Variants in IFIH1 observed in about 807,000 individuals in gnomAD.
IFIH1 encodes the protein interferon induced with helicase C domain 1, also known as interferon-induced helicase C domain-containing protein 1.
IFIH1 carries 125 observed loss-of-function variants against 107.4 expected under a neutral mutation model. The ratio of observed to expected loss-of-function variants is 1.16; its 90% confidence interval spans 1.01 to 1.35. The LOEUF is 1.35. IFIH1 is among the 40% of genes most tolerant of loss of function. IFIH1 has a pLI of 0.00. For missense variants in IFIH1, 1,333 were observed against 1,213.7 expected, an observed-to-expected ratio of 1.10 and a Z score of -1.46; for synonymous variants, 458 against 413.2, an observed-to-expected ratio of 1.11 and a Z score of -1.31.
intron 1 of IFIH1, among the ~76,000 whole-genome samples, chr2:162,312,333 T>C (rs977905351): frequency 1.3e-5 from 2 of 152,182 alleles, no homozygotes; most frequent in Admixed American, 1.3e-4. Context: ...TTAAGCATGC[T>C]GTTCTAGGGA....
intron 2 of IFIH1, 116 bp from the exon 3 acceptor site, chr2:162,306,971 G>T: frequency 1.3e-6 from 1 of 791,110 alleles, no homozygotes; most frequent in Non-Finnish European, 2.0e-6. Flanking sequence ...GAGATTGCCT[G>T]AATATATTTA....
chr2:162,303,741 T>C (rs931943276), intron 3 of IFIH1, among the ~76,000 whole-genome samples: 1 of 152,174 alleles, frequency 6.6e-6, no homozygotes. Context: ...TTAAGTTTTA[T>C]ACTAAGAAGT....
At chr2:162,314,402 T>TCC (rs1683438546) in intron 1 of IFIH1, among the ~76,000 whole-genome samples, 1 of 67,632 alleles carries the variant, frequency 1.5e-5, no homozygotes, top group African/African-American at 1.1e-4. Flanking sequence ...CTCCCTCCTT[T>TCC]CTTTCTTTCT....
rs2105238788 is a variant in IFIH1 at position 162,318,300 on chromosome 2, T to C, written c.8A>G (p.Asn3Ser). 6.2e-7 allele frequency: 1 copy of C among 1,610,032 alleles called. No individual in the cohort carries two copies. Residue 3 changes from asparagine (N) to serine (S), a missense_variant, in exon 1 of 16, where the codon AAT becomes AGT. By Grantham distance (46) the Asn-to-Ser change is conservative. Transcript: ENST00000649979. ...GAAATTCTCGTCTGTGGAATACCCA[T>C]TCGACATCTTTCTTTCTCAGAGAAG... is the stretch of plus-strand genomic sequence containing the variant. MS[N>S]GYSTDENFRY...
intron 13 of IFIH1, among the ~76,000 whole-genome samples, chr2:162,271,323 T>C (rs951362318): frequency 3.3e-5 from 5 of 151,972 alleles, no homozygotes; most frequent in Non-Finnish European, 7.4e-5. Flanking sequence ...TGGATGAAAC[T>C]GAAAACCATC....
At chr2:162,272,181 C>G (rs182823664) in intron 13 of IFIH1, 45 bp downstream of exon 13, 24 of 1,500,106 alleles carry the variant, frequency 1.6e-5, no homozygotes, top group Non-Finnish European at 2.2e-5. Flanking sequence ...AACCACATGC[C>G]GCCATTTTTA....
At chr2:162,315,652 G>A (rs1683478323) in intron 1 of IFIH1, among the ~76,000 whole-genome samples, 2 of 152,052 alleles carry the variant, frequency 1.3e-5, no homozygotes, top group Non-Finnish European at 2.9e-5. Context: ...TCAGTAATTT[G>A]GCCCAAAGTA....
rs553704185 is a variant in IFIH1, at chr2:162,276,614, A to AAGAAGAGAAGAAG, written c.2304+60_2304+72dup. 2.0e-6 allele frequency: 3 copies of AAGAAGAGAAGAAG among 1,490,560 alleles called. No homozygotes were observed. In the South Asian group the frequency reaches 4.0e-5, roughly 20 times the overall value. The allele number at this position is 1,490,560 out of a possible 1,614,324, so 92.3% of individuals were successfully genotyped here. On this transcript the variant is annotated intron_variant, in intron 11 of 15. Coordinates refer to ENST00000649979, the MANE Select transcript of IFIH1 (RefSeq NM_022168.4). ...AGCGAGGCCTCGTCTGAAAGAAAAG[A>AAGAAGAGAAGAAG]AGAAGAGAAGAAGAGAAGAGAAGAA...
chr2:162,279,548 G>A (rs978644756), intron 8 of IFIH1, among the ~76,000 whole-genome samples: 16 of 151,984 alleles, frequency 1.1e-4, no homozygotes, highest in African/African-American at 3.9e-4. Flanking sequence ...GTTTTCCTAA[G>A]AAAGTAAATA....
chr2:162,295,612 A>G (rs1031767286), intron 3 of IFIH1, among the ~76,000 whole-genome samples: 1 of 152,054 alleles, frequency 6.6e-6, no homozygotes, highest in Non-Finnish European at 1.5e-5. Flanking sequence ...ACATAAATAT[A>G]CTAATGTGAA....
In IFIH1 at chr2:162,268,582, G is replaced by GTTAT. The variant is rs539250138; in HGVS notation, c.2617-309_2617-306dup. ...AATTCTCTGTCTAGCCTACCCATTT[G>GTTAT]TTATTTATTTATTTATTTATTTATT... is the stretch of plus-strand genomic sequence containing the variant. On this transcript the variant is annotated intron_variant, in intron 13 of 15. Transcript: ENST00000649979. 6.9e-3 allele frequency among the ~76,000 whole-genome samples: 1,054 copies of GTTAT among 151,982 alleles called. 15 individuals carry two copies. The highest frequency in any genetic ancestry group is 0.021 in the African/African-American group (886 of 41,464).
chr2:162,267,160 G>C lies in IFIH1; in HGVS notation c.*40C>G, dbSNP rs1690940302. The C allele has an allele frequency of 7.5e-7, 1 of 1,335,220 alleles. No homozygotes were observed. The highest frequency in any genetic ancestry group is 1.4e-5 in the South Asian group (1 of 73,820). 82.7% of individuals were successfully genotyped at this position (1,335,220 alleles called of 1,614,324 possible). ...TACATTAATCATAATCATATTAAAT[G>C]TTTAACTGATAGTATTTTAAAAGAA... On this transcript the variant is annotated 3_prime_UTR_variant, in exon 16 of 16. Transcript: ENST00000649979.
At chr2:162,291,944 A>G (rs1428518475) in intron 4 of IFIH1, among the ~76,000 whole-genome samples, 1 of 151,876 alleles carries the variant, frequency 6.6e-6, no homozygotes, top group African/African-American at 2.4e-5. Context: ...GTTTGTCTTC[A>G]AATATGTATT....
At position 162,281,375 on chromosome 2, in the gene IFIH1, C is replaced by T; in HGVS notation, c.1477G>A (p.Val493Ile). The change falls in exon 7 of 16, where the codon GTT becomes ATT. Residue 493 changes from valine to isoleucine, a missense_variant. By Grantham distance (29) the Val-to-Ile change is conservative. Coordinates refer to ENST00000649979, the MANE Select transcript of IFIH1 (RefSeq NM_022168.4). Reference protein sequence around the residue: ...QILGLTASPGVGGATKQAKAE... With the variant: ...QILGLTASPGIGGATKQAKAE... The stretch of plus-strand genomic sequence containing the variant: ...TTGGCTTGCTTCGTGGCCCCTCCAA[C>T]ACCAGGTGAAGCTGTTAGTCCCAGT... The T allele has an allele frequency of 6.2e-7, 1 of 1,612,766 alleles. No individual in the cohort carries two copies. Among genetic ancestry groups the T allele is most frequent in the Non-Finnish European group, 8.5e-7 (1 of 1,179,144 alleles).
At chr2:162,292,106 T>G (rs2105213316) in intron 4 of IFIH1, among the ~76,000 whole-genome samples, 1 of 151,988 alleles carries the variant, frequency 6.6e-6, no homozygotes, top group Non-Finnish European at 1.5e-5. Context: ...ACACATTAAA[T>G]ATTTATTGAA....
chr2:162,289,392 C>A (rs1034107282), intron 4 of IFIH1, among the ~76,000 whole-genome samples: 6 of 150,886 alleles, frequency 4.0e-5, no homozygotes, highest in African/African-American at 7.3e-5. Context: ...GGAAAAAGAT[C>A]AAAAAATGCA....
intron 3 of IFIH1, among the ~76,000 whole-genome samples, chr2:162,300,186 C>T (rs1334146169): frequency 6.6e-6 from 1 of 152,122 alleles, no homozygotes; most frequent in African/African-American, 2.4e-5. Flanking sequence ...GTGCTTGGTT[C>T]TCTCAATGAT....
At chr2:162,316,239 G>A (rs1048086828) in intron 1 of IFIH1, among the ~76,000 whole-genome samples, 4 of 152,220 alleles carry the variant, frequency 2.6e-5, no homozygotes, top group African/African-American at 9.6e-5. Flanking sequence ...GCTTTGTGGT[G>A]TTACTGGACT....
intron 3 of IFIH1, 106 bp from the exon 4 acceptor site, chr2:162,293,774 G>A: frequency 1.6e-6 from 1 of 617,804 alleles, no homozygotes; most frequent in African/African-American, 1.9e-5. Flanking sequence ...AATTCAAGTG[G>A]GGAAGGCACA....
Sources: allele counts gnomAD v4.1 joint callset (sites outside exome capture counted in the v4.1 genomes callset), GRCh38; gene constraint gnomAD v4.1.1; transcripts MANE v1.5; gene names NCBI Gene and HGNC (gene_info 2026-07-23, HGNC 2026-07-21).